Variants in PGM1 observed in about 807,000 individuals in gnomAD.
PGM1 encodes the protein phosphoglucomutase-1.
PGM1 carries 52 observed loss-of-function variants against 55.6 expected under a neutral mutation model. The observed-to-expected ratio is 0.94, with a 90% CI of 0.75 to 1.18. The LOEUF (loss-of-function observed/expected upper bound fraction) is 1.18. PGM1 is among the 50% of genes most tolerant of loss of function. The probability of loss-of-function intolerance (pLI) is 0.00; values close to 1 mark genes in which losing one functional copy is unlikely to be tolerated. For synonymous variants in PGM1, 287 were observed against 271.7 expected (o/e 1.06, Z -0.55); for missense variants, 724 against 729.3 (o/e 0.99, Z 0.08).
intron 1 of PGM1, among the ~76,000 whole-genome samples, chr1:63,596,021 A>G (rs1203340453): frequency 6.6e-6 from 1 of 152,084 alleles, no homozygotes; most frequent in East Asian, 1.9e-4. Context: ...GCTCTTGCCA[A>G]AGTTACTAGG....
chr1:63,648,373 T>C, intron 7 of PGM1, 144 bp from the exon 8 acceptor site: 1 of 837,916 alleles, frequency 1.2e-6, no homozygotes, highest in Non-Finnish European at 2.0e-6. Context: ...GGGAACTTTG[T>C]CCCCCATGAT....
intron 1 of PGM1, among the ~76,000 whole-genome samples, chr1:63,598,021 G>T (rs1570468128): frequency 6.6e-6 from 1 of 152,142 alleles, no homozygotes; most frequent in East Asian, 1.9e-4. Context: ...CCAGACTGCA[G>T]CACAGTAGCG....
intron 10 of PGM1, among the ~76,000 whole-genome samples, chr1:63,658,758 A>G (rs1288174173): frequency 6.6e-6 from 1 of 152,086 alleles, no homozygotes; most frequent in Non-Finnish European, 1.5e-5. Context: ...ATCTCAAAAA[A>G]AAAAAAAAAA....
intron 1 of PGM1, among the ~76,000 whole-genome samples, chr1:63,610,234 T>A (rs1166306755): frequency 6.6e-6 from 1 of 152,172 alleles, no homozygotes; most frequent in African/African-American, 2.4e-5. Flanking sequence ...TATGAATTAT[T>A]TGGTTGTTTT....
intron 1 of PGM1, among the ~76,000 whole-genome samples, chr1:63,600,975 A>G (rs1433984819): frequency 2.0e-5 from 3 of 152,186 alleles, no homozygotes; most frequent in Non-Finnish European, 4.4e-5. Flanking sequence ...AGGGTAGGGA[A>G]AACTTTTCAT....
intron 7 of PGM1, among the ~76,000 whole-genome samples, chr1:63,643,301 T>C (rs1392467250): frequency 6.6e-6 from 1 of 152,242 alleles, no homozygotes; most frequent in Non-Finnish European, 1.5e-5. Flanking sequence ...GGGCAGGGGA[T>C]ACGCCTTGTG....
At position 63,609,431 on chromosome 1, in the gene PGM1, A is replaced by C. The variant is rs140433577; in HGVS notation, c.246+15697A>C. On this transcript the variant is annotated intron_variant, in intron 1 of 10. Coordinates refer to ENST00000371084, the MANE Select transcript of PGM1 (RefSeq NM_002633.3). ...CACTGTGCACAGTGGTTGGGGGTACAGGATGAGTAAGACAAAGTCCTTGTG... is the reference window on the plus strand; with the variant it reads ...CACTGTGCACAGTGGTTGGGGGTACCGGATGAGTAAGACAAAGTCCTTGTG... Among the ~76,000 whole-genome samples, 506 of 152,342 alleles carry C rather than the reference A, an allele frequency of 3.3e-3. 1 individual carries two copies. The highest frequency in any genetic ancestry group is 5.1e-3 in the Non-Finnish European group (350 of 68,024).
At chr1:63,647,254 T>TG (rs1250000318) in intron 7 of PGM1, among the ~76,000 whole-genome samples, 802 of 47,278 alleles carry the variant, frequency 0.017, 38 homozygotes, top group Non-Finnish European at 0.029. Context: ...AAAAATAAAA[T>TG]TTTACATATA....
chr1:63,618,821 A>T (rs754802060), intron 1 of PGM1, among the ~76,000 whole-genome samples: 2 of 152,080 alleles, frequency 1.3e-5, no homozygotes, highest in Admixed American at 6.5e-5. Context: ...CCTGTTCCCG[A>T]TTCTCAGGTC....
intron 10 of PGM1, 42 bp downstream of exon 10, chr1:63,654,508 A>G: frequency 9.3e-6 from 15 of 1,605,694 alleles, no homozygotes; most frequent in Non-Finnish European, 1.3e-5. Context: ...TTTCTGTTCA[A>G]GGGAATGATA....
In PGM1 at chr1:63,609,457, C is replaced by T. The variant is rs565911413; in HGVS notation, c.246+15723C>T. 2.6e-5 allele frequency among the ~76,000 whole-genome samples: 4 copies of T among 152,292 alleles called. No homozygotes were observed. The South Asian group carries it at 8.3e-4, about 32-fold the overall frequency. On this transcript the variant is annotated intron_variant, in intron 1 of 10. Transcript: ENST00000371084. ...GGATGAGTAAGACAAAGTCCTTGTG[C>T]TTAGGGTGCTCATGCTGGTGGGGGA...
At chr1:63,623,639 G>T in intron 1 of PGM1, 1 of 1,612,422 alleles carries the variant, frequency 6.2e-7, no homozygotes, top group Non-Finnish European at 8.5e-7. Flanking sequence ...TTCATCCAGA[G>T]TATATTCTTT....
chr1:63,639,669 G>A (rs1034910987), intron 7 of PGM1, among the ~76,000 whole-genome samples: 2 of 151,892 alleles, frequency 1.3e-5, no homozygotes, highest in African/African-American at 4.8e-5. Flanking sequence ...GCTGATCTTG[G>A]TCCTATAGTA....
chr1:63,597,555 A>ATCTC (rs1648114719), intron 1 of PGM1, among the ~76,000 whole-genome samples: 1 of 152,192 alleles, frequency 6.6e-6, no homozygotes, highest in Non-Finnish European at 1.5e-5. Flanking sequence ...CTCAACCAAT[A>ATCTC]TAGAGGGGTT....
intron 1 of PGM1, among the ~76,000 whole-genome samples, chr1:63,622,201 T>A (rs1648898700): frequency 6.6e-6 from 1 of 152,066 alleles, no homozygotes; most frequent in Non-Finnish European, 1.5e-5. Flanking sequence ...ATTTTTGTAT[T>A]TTTAGCAGAG....
At chr1:63,636,486 A>T in intron 6 of PGM1, 98 bp downstream of exon 6, 6 of 1,227,690 alleles carry the variant, frequency 4.9e-6, no homozygotes, top group Non-Finnish European at 6.0e-6. Context: ...CCCTTTCAGC[A>T]TGGGCATCTG....
At chr1:63,639,309 C>A (rs1203519415) in intron 7 of PGM1, among the ~76,000 whole-genome samples, 1 of 152,012 alleles carries the variant, frequency 6.6e-6, no homozygotes, top group Non-Finnish European at 1.5e-5. Flanking sequence ...GCTAGGTGAT[C>A]AAGAAATTAA....
At chr1:63,659,161 G>A (rs1164596180) in intron 10 of PGM1, among the ~76,000 whole-genome samples, 16 of 152,190 alleles carry the variant, frequency 1.1e-4, no homozygotes, top group Admixed American at 1.0e-3. Context: ...GGAACAGTGT[G>A]GGAAAGAAAT....
Position 63,594,780 on chromosome 1 carries a change from A to G in PGM1, c.246+1046A>G, listed in dbSNP as rs559043078. Among the ~76,000 whole-genome samples, 19 of 85,562 alleles carry G rather than the reference A, an allele frequency of 2.2e-4. No homozygotes were observed. The East Asian group carries it at 6.3e-3, about 28-fold the overall frequency. The allele number at this position is 85,562 out of a possible 152,430, so 56.1% of individuals were successfully genotyped here. A position where few individuals can be genotyped will look rare whatever the true frequency, so the allele number is the denominator to read the frequency against. On this transcript the variant is annotated intron_variant, in intron 1 of 10. Coordinates refer to ENST00000371084, the MANE Select transcript of PGM1 (RefSeq NM_002633.3). ...AACACGGTGAAACCACGTCTCTACT[A>G]AAAAATACAAAAAAAAAAAAAAAAA... is the stretch of plus-strand genomic sequence containing the variant.
Sources: gnomAD v4.1 joint callset for allele counts (sites outside exome capture counted in the v4.1 genomes callset) on GRCh38, gnomAD v4.1.1 for gene constraint, MANE v1.5 for transcripts, NCBI Gene and HGNC (gene_info 2026-07-23, HGNC 2026-07-21) for gene names.